The following VPS13B variants were observed in gnomAD, a reference collection of about 807,000 sequenced individuals.
The protein encoded by VPS13B is vacuolar protein sorting 13 homolog B, also known as intermembrane lipid transfer protein VPS13B.
In VPS13B, 285 loss-of-function variants were observed where a neutral mutation model predicts 426.4. That is an observed-to-expected ratio of 0.67 (90% confidence interval 0.61 to 0.74). The LOEUF (loss-of-function observed/expected upper bound fraction) is 0.74. Among genes scored for constraint, VPS13B ranks in the 30% least tolerant of loss-of-function variants. The probability of loss-of-function intolerance (pLI) is 0.00; values close to 1 mark genes in which losing one functional copy is unlikely to be tolerated. For missense variants in VPS13B, 4,537 were observed against 4,782.6 expected, an observed-to-expected ratio of 0.95 and a Z score of 1.51; for synonymous variants, 1,676 against 1,676.4, an observed-to-expected ratio of 1.00 and a Z score of 0.01.
intron 8 of VPS13B, among the ~76,000 whole-genome samples, chr8:99,129,060 TATAG>T (rs1403757306): frequency 1.3e-5 from 2 of 152,072 alleles, no homozygotes; most frequent in African/African-American, 4.8e-5. Flanking sequence ...AGTTGAAAAA[TATAG>T]AGAATAAATT....
At chr8:99,264,731 T>C (rs1259583949) in intron 17 of VPS13B, among the ~76,000 whole-genome samples, 3 of 152,148 alleles carry the variant, frequency 2.0e-5, no homozygotes. Flanking sequence ...GTTTTTTTCA[T>C]TTGTTAATAC....
intron 3 of VPS13B, among the ~76,000 whole-genome samples, chr8:99,082,662 T>A (rs1269884090): frequency 1.3e-5 from 2 of 152,224 alleles, no homozygotes; most frequent in Non-Finnish European, 2.9e-5. Context: ...AGGGATCCAG[T>A]TTCAGCTTTC....
chr8:99,475,424 G>C (rs2133537651), intron 24 of VPS13B, among the ~76,000 whole-genome samples: 1 of 152,222 alleles, frequency 6.6e-6, no homozygotes, highest in Non-Finnish European at 1.5e-5. Context: ...GCTGTGAGAG[G>C]ATAGTCCTAC....
intron 20 of VPS13B, among the ~76,000 whole-genome samples, 176 bp downstream of exon 20, chr8:99,384,493 T>G (rs1814009329): frequency 6.6e-6 from 1 of 152,210 alleles, no homozygotes; most frequent in Non-Finnish European, 1.5e-5. Flanking sequence ...AGAAATTGCA[T>G]GTCAGTATAA....
chr8:99,287,232 G>GTCTGTCTA (rs1469101055), intron 19 of VPS13B, among the ~76,000 whole-genome samples: 20 of 139,036 alleles, frequency 1.4e-4, no homozygotes, highest in South Asian at 4.6e-4. Context: ...CTATCTGTCT[G>GTCTGTCTA]TCTATCTATC....
chr8:99,523,707 A>T (rs1016534636), intron 30 of VPS13B, among the ~76,000 whole-genome samples: 5 of 152,226 alleles, frequency 3.3e-5, no homozygotes, highest in African/African-American at 1.2e-4. Flanking sequence ...GGCAATGACC[A>T]AAAACTTAGA....
intron 24 of VPS13B, among the ~76,000 whole-genome samples, chr8:99,478,447 G>GTTTTTTTTTTTTTTTTTGTTTT (rs1819826219): frequency 1.3e-4 from 11 of 85,752 alleles, no homozygotes; most frequent in South Asian, 3.7e-4. Context: ...TTTTTGTTTT[G>GTTTTTTTTTTTTTTTTTGTTTT]TTTTTTTTTT....
Position 99,877,014 on chromosome 8 carries a change from C to T in VPS13B, c.*1348C>T, listed in dbSNP as rs1817728940. 1 of 152,262 alleles carries T rather than the reference C, an allele frequency of 6.6e-6. No individual in the cohort carries two copies. The highest frequency in any genetic ancestry group is 6.5e-5 in the Admixed American group (1 of 15,286). 9.4% of individuals were successfully genotyped at this position (152,262 alleles called of 1,614,324 possible). The stretch of plus-strand genomic sequence containing the variant: ...ACTACACCACCACAGGTATGCACCA[C>T]CATACCTGGCTGATTTTTAAAATTT... On this transcript the variant is annotated 3_prime_UTR_variant, in exon 62 of 62. Coordinates refer to ENST00000357162, the MANE Select transcript of VPS13B (RefSeq NM_152564.5).
At chr8:99,405,562 CAA>C (rs980944874) in intron 21 of VPS13B, among the ~76,000 whole-genome samples, 2 of 152,112 alleles carry the variant, frequency 1.3e-5, no homozygotes, top group Non-Finnish European at 2.9e-5. Context: ...CACATGGCAG[CAA>C]GAGTCATCTT....
chr8:99,116,454 A>G (rs1380570434), intron 7 of VPS13B, among the ~76,000 whole-genome samples: 1 of 152,038 alleles, frequency 6.6e-6, no homozygotes, highest in Non-Finnish European at 1.5e-5. Context: ...TTATTTATGA[A>G]TGAGGGTTTT....
intron 21 of VPS13B, among the ~76,000 whole-genome samples, chr8:99,398,706 A>T (rs981333058): frequency 6.6e-6 from 1 of 152,234 alleles, no homozygotes; most frequent in African/African-American, 2.4e-5. Flanking sequence ...AACGATCAGG[A>T]AAAATCATTT....
At chr8:99,873,259 T>C (rs1342505928) in intron 61 of VPS13B, 1 of 152,204 alleles carries the variant, frequency 6.6e-6, no homozygotes, top group Non-Finnish European at 1.5e-5. Context: ...TCTTGTATTT[T>C]TGTTTGAGGC....
chr8:99,873,152 T>C (rs1365428812), intron 61 of VPS13B: 1 of 152,234 alleles, frequency 6.6e-6, no homozygotes, highest in Non-Finnish European at 1.5e-5. Context: ...CCTGTGACCA[T>C]CATGATTCCT....
intron 17 of VPS13B, among the ~76,000 whole-genome samples, chr8:99,202,913 A>G (rs917627658): frequency 2.0e-5 from 3 of 152,132 alleles, no homozygotes; most frequent in Non-Finnish European, 4.4e-5. Flanking sequence ...GGGCACCTGT[A>G]GTCCCAGTTA....
chr8:99,452,065 C>T (rs1818223140), intron 23 of VPS13B, among the ~76,000 whole-genome samples: 1 of 152,180 alleles, frequency 6.6e-6, no homozygotes, highest in Non-Finnish European at 1.5e-5. Flanking sequence ...AAGTCCTTAA[C>T]ATGACCAAGA....
chr8:99,661,499 A>T lies in VPS13B; in HGVS notation c.6046+8A>T. 1 of 1,612,150 alleles carries T rather than the reference A, an allele frequency of 6.2e-7. No individual in the cohort carries two copies. Among genetic ancestry groups the T allele is most frequent in the Non-Finnish European group, 8.5e-7 (1 of 1,179,596 alleles). On this transcript the variant is annotated splice_region_variant and intron_variant, in intron 35 of 61. Coordinates refer to ENST00000357162, the MANE Select transcript of VPS13B (RefSeq NM_152564.5). ...ACTTTCTGAATGGACCAGGTAAGAA[A>T]GTCATAAAATTTACATGTGTGTACA...
chr8:99,052,498 G>C (rs1469191234), intron 3 of VPS13B, among the ~76,000 whole-genome samples: 1 of 123,376 alleles, frequency 8.1e-6, no homozygotes, highest in Non-Finnish European at 1.7e-5. Flanking sequence ...TTGTCTTTTT[G>C]TATTGTGTCT....
At chr8:99,502,737 C>T in intron 26 of VPS13B, 99 bp from the exon 27 acceptor site, 1 of 918,532 alleles carries the variant, frequency 1.1e-6, no homozygotes, top group Non-Finnish European at 1.8e-6. Flanking sequence ...CGCCTCTGTA[C>T]ATATCCAGCA....
rs548860916 is a variant in VPS13B at position 99,733,832 on chromosome 8, GCTTTTTAGCAGCAAC to G, written c.7050+12798_7050+12812del. Among the ~76,000 whole-genome samples, 483 of 152,248 alleles carry G rather than the reference GCTTTTTAGCAGCAAC, an allele frequency of 3.2e-3. 2 individuals carry two copies. Among genetic ancestry groups the G allele is most frequent in the African/African-American group, 0.011 (458 of 41,558 alleles). ...AAGTTAAAGGTCTTGGTTCTCTTATGCTTTTTAGCAGCAACCTTTTTAGCAGCTTTATTGAGATAT... is the reference window on the plus strand; with the variant it reads ...AAGTTAAAGGTCTTGGTTCTCTTATGCTTTTTAGCAGCTTTATTGAGATAT... On this transcript the variant is annotated intron_variant, in intron 39 of 61. Transcript: ENST00000357162.
Sources: allele counts gnomAD v4.1 joint callset (sites outside exome capture counted in the v4.1 genomes callset), GRCh38; gene constraint gnomAD v4.1.1; transcripts MANE v1.5; gene names NCBI Gene and HGNC (gene_info 2026-07-23, HGNC 2026-07-21).